Variants in ESYT1 observed in about 807,000 individuals in gnomAD.
The protein encoded by ESYT1 is extended synaptotagmin 1, also known as extended synaptotagmin-1.
Under a neutral mutation model 154.2 loss-of-function variants are expected in ESYT1, and 116 were observed. The observed-to-expected ratio is 0.75, with a 90% CI of 0.65 to 0.88. The LOEUF (loss-of-function observed/expected upper bound fraction) is 0.88. Among genes scored for constraint, ESYT1 ranks in the 40% least tolerant of loss-of-function variants. The pLI is 0.00. For missense variants in ESYT1, 1,264 were observed against 1,379.3 expected, an observed-to-expected ratio of 0.92 and a Z score of 1.32; for synonymous variants, 500 against 539.9, an observed-to-expected ratio of 0.93 and a Z score of 1.02.
At chr12:56,131,646 A>G (rs1870240214) in intron 6 of ESYT1, 80 bp downstream of exon 6, 4 of 1,601,618 alleles carry the variant, frequency 2.5e-6, no homozygotes, top group Middle Eastern at 1.7e-4. Context: ...GTGAAGGGGA[A>G]TGAGAAGGGA....
chr12:56,136,607 AAAAG>A, intron 15 of ESYT1, 133 bp from the exon 16 acceptor site: 3 of 693,846 alleles, frequency 4.3e-6, no homozygotes, highest in East Asian at 3.4e-5. Context: ...AAAAAAAAAA[AAAAG>A]ATGGCCCTGA....
In ESYT1 at chr12:56,137,538, A is replaced by T; in HGVS notation, c.1978A>T (p.Ile660Phe). 6.2e-7 allele frequency: 1 copy of T among 1,614,024 alleles called. No homozygotes were observed. Among genetic ancestry groups the T allele is most frequent in the Non-Finnish European group, 8.5e-7 (1 of 1,179,982 alleles). Residue 660 changes from isoleucine to phenylalanine, a missense_variant, in exon 18 of 31, where the codon ATT (isoleucine) becomes TTT (phenylalanine). Ile to Phe is a conservative substitution (Grantham distance 21). Transcript: ENST00000394048. ...RIHVLEAQDLIAKDRFLGGLV... is the reference protein window; with the variant it reads ...RIHVLEAQDLFAKDRFLGGLV... ...CCATGTATTAGAGGCCCAGGACCTG[A>T]TTGCCAAAGACCGTTTCTTGGGGGG...
intron 19 of ESYT1, 55 bp downstream of exon 19, chr12:56,137,969 G>A (rs1433300887): frequency 6.2e-7 from 1 of 1,611,818 alleles, no homozygotes; most frequent in Non-Finnish European, 8.5e-7. Context: ...AGGCCATGGA[G>A]TCTGGCCTCC....
Position 56,142,998 on chromosome 12 carries a change from C to T in ESYT1, c.2988-19C>T, listed in dbSNP as rs1870775100. 1.2e-6 allele frequency: 2 copies of T among 1,614,192 alleles called. No homozygotes were observed. Among genetic ancestry groups the T allele is most frequent in the African/African-American group, 2.7e-5 (2 of 75,048 alleles). ...CCCTTCCCTCAGGTTACCATATCAC[C>T]TACATCCTCCTGTTGTAGGTCCCTT... On this transcript the variant is annotated intron_variant, in intron 27 of 30. Coordinates refer to ENST00000394048, the MANE Select transcript of ESYT1 (RefSeq NM_015292.3). This position sits in a 1 kb window ranked among gnomAD's most constrained non-coding sequence, Gnocchi z 4.1.
rs1211595116 is a variant in ESYT1, at chr12:56,130,903, C to T, written c.545C>T (p.Thr182Ile). 6.2e-7 allele frequency: 1 copy of T among 1,614,204 alleles called. No homozygotes were observed. Among genetic ancestry groups the T allele is most frequent in the Non-Finnish European group, 8.5e-7 (1 of 1,180,040 alleles). Reference protein sequence around the residue: ...SNPHLQTFTFTRVELGEKPLR... With the variant: ...SNPHLQTFTFIRVELGEKPLR... ...CCCCATCTGCAAACATTTACATTTA[C>T]ACGAGTGGAACTGGGTGAAAAGGTA... Residue 182 changes from threonine to isoleucine, a missense_variant, in exon 3 of 31, where the codon ACA becomes ATA. By Grantham distance (89) the Thr-to-Ile change is moderately conservative. Transcript: ENST00000394048.
Position 56,132,322 on chromosome 12 carries a change from C to T in ESYT1, c.974C>T (p.Pro325Leu). The T allele has an allele frequency of 6.2e-7, 1 of 1,614,172 alleles. No individual in the cohort carries two copies. Among genetic ancestry groups the T allele is most frequent in the Non-Finnish European group, 8.5e-7 (1 of 1,180,030 alleles). The change falls in exon 8 of 31, where the codon CCT becomes CTT. Residue 325 changes from proline to leucine, a missense_variant. By Grantham distance (98) the Pro-to-Leu change is moderately conservative. Transcript: ENST00000394048. ...DLQDVAQLRS[P>L]LPRGIIRIHL... ...CAAGATGTGGCTCAGTTGCGTTCCC[C>T]TCTGCCCAGGGTATGGCCTTTCCCC...
intron 1 of ESYT1, 135 bp downstream of exon 1, chr12:56,128,844 C>T: frequency 9.0e-7 from 1 of 1,106,042 alleles, no homozygotes; most frequent in Non-Finnish European, 1.3e-6. Context: ...TCTCTCCCCG[C>T]TAGCCGCCTG....
intron 10 of ESYT1, 143 bp downstream of exon 10, chr12:56,132,944 C>A (rs186943303): frequency 5.8e-6 from 4 of 687,026 alleles, no homozygotes; most frequent in Admixed American, 2.5e-5. Flanking sequence ...CACGGTGAAA[C>A]CCCATCTCTA....
chr12:56,132,776 C>G lies in ESYT1; in HGVS notation c.1219C>G (p.Pro407Ala), dbSNP rs1235737771. ...EIEVEVFDKD[P>A]DKDDFLGRMK... is the part of the protein sequence containing the mutation. The stretch of plus-strand genomic sequence containing the variant: ...TGAAGTGGAGGTGTTCGACAAGGAT[C>G]CAGATAAAGATGACTTTCTGGGCAG... The change falls in exon 10 of 31, where the codon CCA (proline) becomes GCA (alanine). Residue 407 changes from proline to alanine, a missense_variant. By Grantham distance (27) the Pro-to-Ala change is conservative (BLOSUM62 -1). Transcript: ENST00000394048. The G allele has an allele frequency of 6.2e-6, 10 of 1,614,098 alleles. No homozygotes were observed. The highest frequency in any genetic ancestry group is 2.2e-5 in the East Asian group (1 of 44,872).
intron 24 of ESYT1, among the ~76,000 whole-genome samples, chr12:56,140,156 C>T (rs140393943): frequency 2.0e-5 from 3 of 152,064 alleles, no homozygotes; most frequent in South Asian, 2.1e-4. Flanking sequence ...GCGTGAGAAC[C>T]GCGCCCCAGC....
At chr12:56,134,075 C>A in intron 13 of ESYT1, 35 bp from the exon 14 acceptor site, 1 of 1,613,020 alleles carries the variant, frequency 6.2e-7, no homozygotes, top group East Asian at 2.2e-5. Context: ...ACCGAATCCC[C>A]CAAGATGGTG....
At chr12:56,135,374 G>A (rs545440852) in intron 15 of ESYT1, among the ~76,000 whole-genome samples, 6 of 151,180 alleles carry the variant, frequency 4.0e-5, no homozygotes, top group East Asian at 2.1e-4. Context: ...GTTTCTCCAT[G>A]TTGGTCAGGC....
intron 24 of ESYT1, among the ~76,000 whole-genome samples, chr12:56,140,555 G>A (rs990717424): frequency 2.6e-5 from 4 of 151,942 alleles, no homozygotes; most frequent in Non-Finnish European, 5.9e-5. Context: ...AGAGAGACGG[G>A]GTTTCACCAT....
intron 24 of ESYT1, among the ~76,000 whole-genome samples, chr12:56,140,323 A>G (rs1369778887): frequency 6.6e-6 from 1 of 152,032 alleles, no homozygotes; most frequent in Non-Finnish European, 1.5e-5. Flanking sequence ...AGTATGCTAG[A>G]AATATGGATT....
chr12:56,137,064 T>C (rs909099841), intron 16 of ESYT1, among the ~76,000 whole-genome samples, 154 bp from the exon 17 acceptor site: 1 of 152,130 alleles, frequency 6.6e-6, no homozygotes, highest in African/African-American at 2.4e-5. Flanking sequence ...GGCTTATGAG[T>C]TGAGGGGGTG....
chr12:56,138,105 C>T (rs1870538898), intron 20 of ESYT1, 31 bp downstream of exon 20: 2 of 1,613,960 alleles, frequency 1.2e-6, no homozygotes. Context: ...AACAACCCCT[C>T]CTGATCCTGC....
chr12:56,136,824 C>G lies in ESYT1; in HGVS notation c.1713C>G (p.Ile571Met), dbSNP rs896120058. Residue 571 changes from isoleucine (I) to methionine (M), a missense_variant, in exon 16 of 31, where the codon ATC becomes ATG. Coordinates refer to ENST00000394048, the MANE Select transcript of ESYT1 (RefSeq NM_015292.3). ...LARLLTAPEL[I>M]LDQWFQLSSS... ...GCCTGCTGACTGCCCCAGAACTCAT[C>G]CTGGACCAGTGGTTCCAGCTCAGCA... is the stretch of plus-strand genomic sequence containing the variant. 6.2e-6 allele frequency: 10 copies of G among 1,613,052 alleles called. No homozygotes were observed. In the Admixed American group the frequency reaches 1.7e-4, roughly 27 times the overall value.
chr12:56,143,506 A>G, intron 29 of ESYT1, 74 bp from the exon 30 acceptor site: 1 of 1,593,692 alleles, frequency 6.3e-7, no homozygotes, highest in East Asian at 2.2e-5. Context: ...ATTTCAAAAC[A>G]GCATCATCAG....
chr12:56,128,643 A>G lies in ESYT1; in HGVS notation c.324A>G (p.Leu108=), dbSNP rs1287277278. Residue 108 remains leucine, a synonymous_variant, in exon 1 of 31, where the codon CTA becomes CTG. Coordinates refer to ENST00000394048, the MANE Select transcript of ESYT1 (RefSeq NM_015292.3). ...GGAGCCTTCGAGCAGCGAGGCAGCT[A>G]CTGGACGACGAGGAGCAGCTCACTG... The part of the protein sequence containing the change: ...KERSLRAARQ[L]LDDEEQLTAK... 3 of 1,614,060 alleles carry G rather than the reference A, an allele frequency of 1.9e-6. No individual in the cohort carries two copies. The highest frequency in any genetic ancestry group is 3.3e-5 in the Admixed American group (2 of 60,014).
Sources: gnomAD v4.1 joint callset for allele counts (sites outside exome capture counted in the v4.1 genomes callset) on GRCh38, gnomAD v4.1.1 for gene constraint, Gnocchi (gnomAD v3.1) non-coding constraint, MANE v1.5 for transcripts, NCBI Gene and HGNC (gene_info 2026-07-23, HGNC 2026-07-21) for gene names.